The following ADA variants were observed in gnomAD, a reference collection of about 807,000 sequenced individuals.
ADA encodes the protein adenosine deaminase, also known as adenosine aminohydrolase.
ADA carries 45 observed loss-of-function variants against 49.0 expected under a neutral mutation model. That is an observed-to-expected ratio of 0.92 (90% CI 0.72 to 1.18). The LOEUF is 1.18. Among genes scored for constraint, ADA ranks in the 50% most tolerant of loss-of-function variants. The probability of loss-of-function intolerance (pLI) is 0.00; values close to 1 mark genes in which losing one functional copy is unlikely to be tolerated. For missense variants in ADA, 445 were observed against 472.5 expected (o/e 0.94, Z 0.54); for synonymous variants, 173 against 184.2 (o/e 0.94, Z 0.49).
Position 44,629,189 on chromosome 20 carries a change from T to G in ADA, c.96-20A>C. The G allele has an allele frequency of 3.7e-6, 6 of 1,613,958 alleles. No individual in the cohort carries two copies. Among genetic ancestry groups the G allele is most frequent in the Non-Finnish European group, 5.1e-6 (6 of 1,179,968 alleles). Reference sequence around the variant, plus strand: ...CTCCTCCTGGAAACAAAACAGTGAGTGGTGGACCAACCCGGGGCAGGATCC... The same window carrying G: ...CTCCTCCTGGAAACAAAACAGTGAGGGGTGGACCAACCCGGGGCAGGATCC... On this transcript the variant is annotated intron_variant, in intron 2 of 11. Transcript: ENST00000372874.
chr20:44,651,510 C>T, intron 1 of ADA, 65 bp downstream of exon 1: 1 of 1,481,022 alleles, frequency 6.8e-7, no homozygotes, highest in Non-Finnish European at 9.1e-7. Context: ...GGGCTGGGCC[C>T]CGCTAAGCCC....
At chr20:44,642,454 G>T (rs776981557) in intron 1 of ADA, among the ~76,000 whole-genome samples, 4 of 152,200 alleles carry the variant, frequency 2.6e-5, no homozygotes, top group Non-Finnish European at 5.9e-5. Context: ...ACTTAAAGGG[G>T]GAGTTCGCCA....
At position 44,624,311 on chromosome 20, in the gene ADA, A is replaced by G; in HGVS notation, c.497T>C (p.Val166Ala). ...RHQPNWSPKV[V>A]ELCKKYQQQT... ...CTGCTGGTACTTCTTACACAGCTCC[A>G]CCACCTTGGGGGACCAGTCTGTGGG... is the stretch of plus-strand genomic sequence containing the variant. The change falls in exon 6 of 12, where the codon GTG (valine) becomes GCG (alanine). Residue 166 changes from valine to alanine, a missense_variant. Physicochemically the swap from Val to Ala is moderately conservative, Grantham distance 64. Coordinates refer to ENST00000372874, the MANE Select transcript of ADA (RefSeq NM_000022.4). 1 of 1,613,628 alleles carries G rather than the reference A, an allele frequency of 6.2e-7. No homozygotes were observed. Among genetic ancestry groups the G allele is most frequent in the Non-Finnish European group, 8.5e-7 (1 of 1,179,862 alleles).
chr20:44,647,978 A>C (rs138326159), intron 1 of ADA, among the ~76,000 whole-genome samples: 1,823 of 152,050 alleles, frequency 0.012, 52 homozygotes, highest in African/African-American at 0.042. Context: ...CCCAGGAGGC[A>C]GAGGTTGCAG....
chr20:44,630,173 C>T (rs1372939171), intron 2 of ADA, among the ~76,000 whole-genome samples: 3 of 151,784 alleles, frequency 2.0e-5, no homozygotes, highest in African/African-American at 7.3e-5. Flanking sequence ...GGTGAAACCC[C>T]GTCTCTACCA....
intron 1 of ADA, among the ~76,000 whole-genome samples, chr20:44,642,388 TAAAG>T (rs2065544657): frequency 6.6e-6 from 1 of 152,064 alleles, no homozygotes; most frequent in African/African-American, 2.4e-5. Context: ...TGCTATGAGA[TAAAG>T]AAAAATCACA....
intron 1 of ADA, among the ~76,000 whole-genome samples, chr20:44,640,073 C>T (rs141466081): frequency 1.4e-3 from 209 of 152,106 alleles, no homozygotes; most frequent in African/African-American, 4.9e-3. Flanking sequence ...TGGTGGCCCC[C>T]ACAAAGCTGT....
At chr20:44,625,546 G>T (rs776757485) in intron 5 of ADA, 23 bp downstream of exon 5, 7 of 1,556,596 alleles carry the variant, frequency 4.5e-6, no homozygotes, top group Non-Finnish European at 6.1e-6. Context: ...GGCGGCCCTG[G>T]GCAGGGCGGT....
intron 2 of ADA, among the ~76,000 whole-genome samples, chr20:44,634,136 T>G (rs918346502): frequency 1.3e-5 from 2 of 152,162 alleles, no homozygotes; most frequent in African/African-American, 2.4e-5. Flanking sequence ...TCCCAGCCCC[T>G]GGCTGCAGCT....
In ADA at chr20:44,627,749, G is replaced by A. The variant is rs541211757; in HGVS notation, c.219-1150C>T. On this transcript the variant is annotated intron_variant, in intron 3 of 11. Transcript: ENST00000372874. ...GGCAGGGAAGAGAAATGAGAGAAAAGGACACAGCTGGACAAGTCCAGAGGG... is the reference window on the plus strand; with the variant it reads ...GGCAGGGAAGAGAAATGAGAGAAAAAGACACAGCTGGACAAGTCCAGAGGG... Among the ~76,000 whole-genome samples the A allele has an allele frequency of 1.5e-4, 23 of 152,278 alleles. No individual in the cohort carries two copies. In the East Asian group the frequency reaches 2.9e-3, roughly 19 times the overall value.
At chr20:44,627,122 C>A (rs1442081032) in intron 3 of ADA, among the ~76,000 whole-genome samples, 1 of 152,000 alleles carries the variant, frequency 6.6e-6, no homozygotes, top group Non-Finnish European at 1.5e-5. Context: ...TCTCCCGCTC[C>A]CCTGGTTTAG....
At chr20:44,624,171 C>T (rs1156920142) in intron 6 of ADA, 31 bp downstream of exon 6, 1 of 1,589,204 alleles carries the variant, frequency 6.3e-7, no homozygotes, top group Non-Finnish European at 8.6e-7. Flanking sequence ...CACCCAGGGC[C>T]AGCCTCTCCA....
At chr20:44,649,797 G>C (rs915165049) in intron 1 of ADA, among the ~76,000 whole-genome samples, 2 of 144,770 alleles carry the variant, frequency 1.4e-5, no homozygotes, top group Non-Finnish European at 3.0e-5. Flanking sequence ...GTGCAATGGC[G>C]AGATCTCGGC....
chr20:44,626,816 A>G (rs2065386888), intron 3 of ADA, among the ~76,000 whole-genome samples: 1 of 152,084 alleles, frequency 6.6e-6, no homozygotes, highest in Non-Finnish European at 1.5e-5. Flanking sequence ...CCTGGCCTGA[A>G]TCACGCCATC....
rs370450947 is a variant in ADA at position 44,622,633 on chromosome 20, T to G, written c.800A>C (p.Tyr267Ser). ...MHFEICPWSSYLTGAWKPDTE... is the reference protein window; with the variant it reads ...MHFEICPWSSSLTGAWKPDTE... ...GTCCGGCTTCCAGGCACCAGTGAGG[T>G]AGCTGGACCAGGGGCAGATCTGGAA... is the stretch of plus-strand genomic sequence containing the variant. The change falls in exon 9 of 12, where the codon TAC becomes TCC. Residue 267 changes from tyrosine (Y) to serine (S), a missense_variant. Transcript: ENST00000372874. 1.9e-6 allele frequency: 3 copies of G among 1,614,100 alleles called. No homozygotes were observed. In the African/African-American group the frequency reaches 4.0e-5, roughly 22 times the overall value.
chr20:44,619,720 A>C lies in ADA; in HGVS notation c.*114T>G. The C allele has an allele frequency of 7.2e-7, 1 of 1,381,334 alleles. No homozygotes were observed. The highest frequency in any genetic ancestry group is 1.0e-6 in the Non-Finnish European group (1 of 970,462). 85.6% of individuals were successfully genotyped at this position (1,381,334 alleles called of 1,614,324 possible). On this transcript the variant is annotated 3_prime_UTR_variant, in exon 12 of 12. Coordinates refer to ENST00000372874, the MANE Select transcript of ADA (RefSeq NM_000022.4). Reference sequence around the variant, plus strand: ...TGGACACATAGGGTTCAGGAGCATCAGTAACTGACTATTGAGATCATGGTC... The same window carrying C: ...TGGACACATAGGGTTCAGGAGCATCCGTAACTGACTATTGAGATCATGGTC...
intron 2 of ADA, among the ~76,000 whole-genome samples, chr20:44,635,070 G>A (rs1376816978): frequency 2.0e-5 from 3 of 152,316 alleles, no homozygotes; most frequent in South Asian, 2.1e-4. Flanking sequence ...GACCAAGTTC[G>A]CAGACAGGAG....
intron 1 of ADA, among the ~76,000 whole-genome samples, chr20:44,650,854 C>T (rs536460763): frequency 6.6e-6 from 1 of 152,268 alleles, no homozygotes; most frequent in South Asian, 2.1e-4. Context: ...CCCCTCCTCT[C>T]GGACTCTGCG....
chr20:44,626,586 C>T lies in ADA; in HGVS notation c.232G>A (p.Ala78Thr), dbSNP rs1445758422. The T allele has an allele frequency of 7.4e-6, 12 of 1,614,010 alleles. No homozygotes were observed. Among genetic ancestry groups the T allele is most frequent in the Non-Finnish European group, 1.0e-5 (12 of 1,180,040 alleles). ...AACTCATAGGCGATCCTTTTGATAG[C>T]CTCCCGGCAGCCCCTGGGAAGGGAA... ...YMPAIAGCRE[A>T]IKRIAYEFVE... Residue 78 changes from alanine (A) to threonine (T), a missense_variant, in exon 4 of 12, where the codon GCT (alanine) becomes ACT (threonine). By Grantham distance (58) the Ala-to-Thr change is moderately conservative (BLOSUM62 0). Transcript: ENST00000372874.
Sources: allele counts gnomAD v4.1 joint callset (sites outside exome capture counted in the v4.1 genomes callset), GRCh38; gene constraint gnomAD v4.1.1; transcripts MANE v1.5; gene names NCBI Gene and HGNC (gene_info 2026-07-23, HGNC 2026-07-21).